The following KALRN variants were observed in gnomAD, a reference collection of about 807,000 sequenced individuals.
KALRN encodes the protein kalirin.
In KALRN, 70 loss-of-function variants were observed where a neutral mutation model predicts 353.7. The observed-to-expected ratio is 0.20, with a 90% confidence interval of 0.16 to 0.24. The LOEUF (loss-of-function observed/expected upper bound fraction) is 0.24, where lower values mean the gene tolerates loss of function less well. Ranked by LOEUF, KALRN falls within the 10% of genes least tolerant of loss-of-function variation. KALRN has a pLI of 1.00. For missense variants in KALRN, 2,791 were observed against 3,756.7 expected (o/e 0.74, Z 6.72); for synonymous variants, 1,391 against 1,434.8 (o/e 0.97, Z 0.69).
chr3:124,044,860 T>TC (rs2040312813), intron 1 of KALRN, among the ~76,000 whole-genome samples: 1 of 17,988 alleles, frequency 5.6e-5, no homozygotes, highest in African/African-American at 1.7e-4. Flanking sequence ...CCTCCCTCCC[T>TC]CCTTCCTTCC....
In KALRN at chr3:124,723,063, T is replaced by C. The variant is rs2150867510; in HGVS notation, c.*3593T>C. ...ATTTTTAAGAAAAAAATGGTAATGTTGGAGATATCCTTCAGGTCTCTCTCA... is the reference window on the plus strand; with the variant it reads ...ATTTTTAAGAAAAAAATGGTAATGTCGGAGATATCCTTCAGGTCTCTCTCA... On this transcript the variant is annotated 3_prime_UTR_variant, in exon 60 of 60. Transcript: ENST00000682506. 6.6e-6 allele frequency: 1 copy of C among 152,320 alleles called. No homozygotes were observed. Among genetic ancestry groups the C allele is most frequent in the South Asian group, 2.1e-4 (1 of 4,818 alleles). The allele number at this position is 152,320 out of a possible 1,614,324, so 9.4% of individuals were successfully genotyped here. A position where few individuals can be genotyped will look rare whatever the true frequency, so the allele number is the denominator to read the frequency against.
chr3:124,182,209 C>T (rs1360538925), intron 1 of KALRN, among the ~76,000 whole-genome samples: 1 of 152,192 alleles, frequency 6.6e-6, no homozygotes. Flanking sequence ...TGCTCCAAAA[C>T]TTAACGGCTT....
chr3:124,340,464 A>C (rs1451001007), intron 9 of KALRN, among the ~76,000 whole-genome samples: 1 of 152,152 alleles, frequency 6.6e-6, no homozygotes, highest in East Asian at 1.9e-4. Flanking sequence ...TGGAGGTTGC[A>C]GTGAGCCAAG....
Position 124,480,023 on chromosome 3 carries a change from G to A in KALRN, c.4191+2689G>A, listed in dbSNP as rs544176933. Among the ~76,000 whole-genome samples, 10 of 152,186 alleles carry A rather than the reference G, an allele frequency of 6.6e-5. No homozygotes were observed. In the South Asian group the frequency reaches 8.3e-4, roughly 13 times the overall value. On this transcript the variant is annotated intron_variant, in intron 27 of 59. Coordinates refer to ENST00000682506, the MANE Select transcript of KALRN (RefSeq NM_001388419.1). The stretch of plus-strand genomic sequence containing the variant: ...CAGGCGTGAGCCACCGCGCCCGGCC[G>A]ATCCAGAATGTTTGACCCATCACAC...
At chr3:124,523,660 G>T (rs1313406508) in intron 33 of KALRN, among the ~76,000 whole-genome samples, 1 of 152,190 alleles carries the variant, frequency 6.6e-6, no homozygotes, top group Admixed American at 6.5e-5. Context: ...TCTGATGACT[G>T]GTTAATCACA....
At chr3:124,305,620 G>C (rs905720947) in intron 6 of KALRN, among the ~76,000 whole-genome samples, 5 of 152,148 alleles carry the variant, frequency 3.3e-5, no homozygotes, top group African/African-American at 1.2e-4. Flanking sequence ...GCCATTGCAG[G>C]GTGCCTGTGA....
intron 33 of KALRN, among the ~76,000 whole-genome samples, chr3:124,559,941 G>A (rs1315252885): frequency 6.6e-6 from 1 of 152,230 alleles, no homozygotes; most frequent in African/African-American, 2.4e-5. Context: ...TGTCTACAAC[G>A]TGTGAGCATG....
chr3:124,058,486 A>G (rs940678726), intron 1 of KALRN, among the ~76,000 whole-genome samples: 1 of 152,156 alleles, frequency 6.6e-6, no homozygotes, highest in Non-Finnish European at 1.5e-5. Context: ...TTGTGCTTTT[A>G]TTCAGTAACC....
At chr3:124,263,078 CCTT>C (rs1320964196) in intron 3 of KALRN, among the ~76,000 whole-genome samples, 5 of 152,172 alleles carry the variant, frequency 3.3e-5, no homozygotes, top group African/African-American at 1.2e-4. Flanking sequence ...ACTATTCTGA[CCTT>C]CGTTTTTTTT....
At chr3:124,467,986 A>G (rs1392602302) in intron 25 of KALRN, among the ~76,000 whole-genome samples, 1 of 151,938 alleles carries the variant, frequency 6.6e-6, no homozygotes, top group African/African-American at 2.4e-5. Flanking sequence ...AGGTAGGTAG[A>G]TCCATCTGCG....
At chr3:124,676,509 T>C (rs2087208044) in intron 49 of KALRN, among the ~76,000 whole-genome samples, 2 of 152,102 alleles carry the variant, frequency 1.3e-5, no homozygotes, top group African/African-American at 4.8e-5. Context: ...TGATGACGAG[T>C]TCTTCTGGGA....
At chr3:124,186,425 A>T (rs1289392130) in intron 1 of KALRN, among the ~76,000 whole-genome samples, 1 of 152,190 alleles carries the variant, frequency 6.6e-6, no homozygotes, top group Non-Finnish European at 1.5e-5. Context: ...TGTAGTAGGG[A>T]TTAAATGAGT....
chr3:124,141,972 G>A (rs1011299433), intron 1 of KALRN, among the ~76,000 whole-genome samples: 1 of 152,142 alleles, frequency 6.6e-6, no homozygotes, highest in African/African-American at 2.4e-5. Context: ...CACTCTCTGA[G>A]GCTTTGGCCT....
intron 17 of KALRN, among the ~76,000 whole-genome samples, chr3:124,435,141 A>G (rs760108589): frequency 5.3e-5 from 8 of 152,280 alleles, no homozygotes; most frequent in Non-Finnish European, 7.3e-5. Context: ...GGCCAAGCCA[A>G]CATTAGTGAG....
intron 23 of KALRN, among the ~76,000 whole-genome samples, chr3:124,459,287 T>A (rs756112020): frequency 1.3e-5 from 2 of 152,154 alleles, no homozygotes; most frequent in African/African-American, 2.4e-5. Context: ...CATGAGGAGA[T>A]GAGGCAGAGG....
intron 6 of KALRN, among the ~76,000 whole-genome samples, chr3:124,301,118 G>C (rs531415844): frequency 3.9e-4 from 60 of 152,218 alleles, no homozygotes; most frequent in African/African-American, 1.3e-3. Flanking sequence ...AATTAGGGAG[G>C]TAAATCCACC....
chr3:124,052,164 C>T (rs1208689280), intron 1 of KALRN, among the ~76,000 whole-genome samples: 2 of 152,182 alleles, frequency 1.3e-5, no homozygotes, highest in African/African-American at 4.8e-5. Context: ...GTCAGTCCTC[C>T]TGATGCCAGA....
intron 3 of KALRN, among the ~76,000 whole-genome samples, chr3:124,244,833 TG>T (rs1349733863): frequency 6.6e-6 from 1 of 152,052 alleles, no homozygotes; most frequent in Non-Finnish European, 1.5e-5. Context: ...TTTTTTTAGT[TG>T]TTACATATAT....
chr3:124,400,659 G>A (rs952369212), intron 13 of KALRN, among the ~76,000 whole-genome samples: 3 of 152,144 alleles, frequency 2.0e-5, no homozygotes, highest in African/African-American at 7.2e-5. Context: ...AGGTAATAAA[G>A]AGATAAAAGA....
Sources: gnomAD v4.1 joint callset for allele counts (sites outside exome capture counted in the v4.1 genomes callset) on GRCh38, gnomAD v4.1.1 for gene constraint, MANE v1.5 for transcripts, NCBI Gene and HGNC (gene_info 2026-07-23, HGNC 2026-07-21) for gene names.